The following PPP2R3B variants were observed in gnomAD, a reference collection of about 807,000 sequenced individuals.
PPP2R3B encodes the protein protein phosphatase 2 regulatory subunit B''beta.
In PPP2R3B, 68 loss-of-function variants were observed where a neutral mutation model predicts 72.9. That is an observed-to-expected ratio of 0.93 (90% CI 0.77 to 1.14). PPP2R3B has a LOEUF of 1.14. Ranked by LOEUF, PPP2R3B falls within the 50% of genes most tolerant of loss-of-function variation. The pLI, the probability that PPP2R3B is intolerant of heterozygous loss-of-function variation, is 0.00. For synonymous variants in PPP2R3B, 466 were observed against 375.8 expected (o/e 1.24, Z -2.78); for missense variants, 1,018 against 842.0 (o/e 1.21, Z -2.59).
intron 2 of PPP2R3B, among the ~76,000 whole-genome samples, chrX:353,201 C>A (rs1053393307): frequency 1.3e-5 from 2 of 152,048 alleles, no homozygotes; most frequent in African/African-American, 4.8e-5. Flanking sequence ...TGGTGAAACC[C>A]CATCTCTCCT....
At chrX:359,352 C>T (rs1241714101) in intron 2 of PPP2R3B, among the ~76,000 whole-genome samples, 3 of 152,192 alleles carry the variant, frequency 2.0e-5, no homozygotes, top group Non-Finnish European at 4.4e-5. Flanking sequence ...GTGAGTCTGC[C>T]AGGGCACGGA....
rs147903044 is a variant in PPP2R3B at position 355,583 on chromosome X, C to T, written c.510+5822G>A. On this transcript the variant is annotated intron_variant, in intron 2 of 12. Transcript: ENST00000390665. ...CCGGAAGTGGAACTGCACGCGCACA[C>T]GGAACACCACGCGATCCGGCCCTCC... Among the ~76,000 whole-genome samples the T allele has an allele frequency of 5.6e-4, 86 of 152,278 alleles. 1 individual carries two copies. The East Asian group carries it at 0.013, about 22-fold the overall frequency.
chrX:335,020 G>A (rs778452802), intron 12 of PPP2R3B: 135 of 153,308 alleles, frequency 8.8e-4, no homozygotes, highest in Middle Eastern at 3.4e-3. Flanking sequence ...GCGCTGCTCC[G>A]GGGAACCCAG....
rs762434057 is a variant in PPP2R3B, at chrX:334,097, C to T, written c.*270G>A. ...TTTCCACAGACGCAGGCCCCGGAAC[C>T]CAGGCTGGGTCGGGAACGGCAAGCG... On this transcript the variant is annotated 3_prime_UTR_variant, in exon 13 of 13. Transcript: ENST00000390665. 5.0e-5 allele frequency: 18 copies of T among 360,486 alleles called. 1 individual carries two copies. The highest frequency in any genetic ancestry group is 3.0e-4 in the African/African-American group (14 of 46,958). 22.3% of individuals were successfully genotyped at this position (360,486 alleles called of 1,614,324 possible).
chrX:357,039 T>C (rs1159999465), intron 2 of PPP2R3B, among the ~76,000 whole-genome samples: 1 of 152,186 alleles, frequency 6.6e-6, no homozygotes, highest in African/African-American at 2.4e-5. Flanking sequence ...TACTTGTCCA[T>C]TCAAAATAAA....
chrX:348,692 G>C (rs1426587276), intron 2 of PPP2R3B, among the ~76,000 whole-genome samples: 1 of 152,038 alleles, frequency 6.6e-6, no homozygotes, highest in Non-Finnish European at 1.5e-5. Context: ...TGCTGAAACA[G>C]ACTCCCCGAT....
At chrX:348,012 C>T (rs147588563) in intron 2 of PPP2R3B, among the ~76,000 whole-genome samples, 360 of 152,256 alleles carry the variant, frequency 2.4e-3, no homozygotes, top group African/African-American at 7.9e-3. Context: ...CCAGTAAGTA[C>T]GGGAATAAAT....
At chrX:363,489 C>G (rs1346779098) in intron 1 of PPP2R3B, among the ~76,000 whole-genome samples, 311 of 2,074 alleles carry the variant, frequency 0.15, 2 homozygotes, top group African/African-American at 0.19. Flanking sequence ...CCGAGCCCAG[C>G]ATCCCACAAT....
chrX:345,091 C>CCG (rs1206761862), intron 7 of PPP2R3B: 1 of 459,632 alleles, frequency 2.2e-6, no homozygotes, highest in Non-Finnish European at 4.3e-6. Flanking sequence ...ATATGAACGA[C>CCG]CGCTAAGCCT....
intron 2 of PPP2R3B, among the ~76,000 whole-genome samples, chrX:360,878 T>C (rs1158123115): frequency 1.3e-5 from 2 of 152,122 alleles, no homozygotes; most frequent in Admixed American, 1.3e-4. Context: ...CTGGAGAGCA[T>C]GCAGCTGAGA....
In PPP2R3B at chrX:340,798, G is replaced by A; in HGVS notation, c.1318C>T (p.Gln440Ter). ...CTCGGCTTGACCAGGTCCAGCATCT[G>A]GCAGAGGCAGTCCTGGAAGGGCAGG... ...EALPFQDCLCQMLDLVKPRTE... is the reference protein window; with the variant it reads ...EALPFQDCLC The change falls in exon 10 of 13, where the codon CAG becomes TAG. Residue 440 changes from glutamine to a stop codon, truncating the protein, a stop_gained. Coordinates refer to ENST00000390665, the MANE Select transcript of PPP2R3B (RefSeq NM_013239.5). LOFTEE classifies it high-confidence loss of function. The A allele has an allele frequency of 6.2e-7, 1 of 1,602,608 alleles. No individual in the cohort carries two copies. The highest frequency in any genetic ancestry group is 8.5e-7 in the Non-Finnish European group (1 of 1,177,038).
intron 1 of PPP2R3B, among the ~76,000 whole-genome samples, chrX:383,612 C>T (rs1174413580): frequency 2.6e-5 from 4 of 151,752 alleles, no homozygotes; most frequent in African/African-American, 9.7e-5. Flanking sequence ...CCGAGGCGGG[C>T]GGATCACGAG....
intron 1 of PPP2R3B, among the ~76,000 whole-genome samples, chrX:361,920 G>A (rs1022340617): frequency 2.0e-5 from 3 of 152,150 alleles, no homozygotes; most frequent in African/African-American, 4.8e-5. Flanking sequence ...ACCCACTCCC[G>A]ATTCCCATGA....
intron 12 of PPP2R3B, chrX:335,458 G>A (rs2070862925): frequency 6.6e-6 from 1 of 152,288 alleles, no homozygotes; most frequent in African/African-American, 2.4e-5. Flanking sequence ...GACGGCCCAG[G>A]GTGGGCCGCA....
At chrX:343,800 G>T in intron 7 of PPP2R3B, among the ~76,000 whole-genome samples, 1 of 11,014 alleles carries the variant, frequency 9.1e-5, no homozygotes. Flanking sequence ...ACCTCACCAA[G>T]GAGACGCGGG....
chrX:334,031 C>T lies in PPP2R3B; in HGVS notation c.*336G>A, dbSNP rs1006298192. 1.6e-5 allele frequency: 4 copies of T among 247,452 alleles called. No homozygotes were observed. The highest frequency in any genetic ancestry group is 5.6e-5 in the Admixed American group (1 of 17,850). 15.3% of individuals were successfully genotyped at this position (247,452 alleles called of 1,614,324 possible). Reference sequence around the variant, plus strand: ...TGGAGGCTCCTGTCCAGGACTGAGGCGCCCGGGAGCCGCCGGTCACCGTTG... The same window carrying T: ...TGGAGGCTCCTGTCCAGGACTGAGGTGCCCGGGAGCCGCCGGTCACCGTTG... On this transcript the variant is annotated 3_prime_UTR_variant, in exon 13 of 13. Coordinates refer to ENST00000390665, the MANE Select transcript of PPP2R3B (RefSeq NM_013239.5).
At chrX:354,359 G>A (rs1265813097) in intron 2 of PPP2R3B, among the ~76,000 whole-genome samples, 1 of 151,776 alleles carries the variant, frequency 6.6e-6, no homozygotes, top group African/African-American at 2.4e-5. Context: ...ACCCCTGCGT[G>A]GCCGGGCAAT....
chrX:339,021 CACGTGTTTG>C, intron 10 of PPP2R3B, 125 bp from the exon 11 acceptor site: 1 of 812,012 alleles, frequency 1.2e-6, no homozygotes, highest in South Asian at 1.5e-5. Context: ...GCTCTCACGC[CACGTGTTTG>C]ACGTGAAAGG....
In PPP2R3B at chrX:364,396, G is replaced by A. The variant is rs756633194; in HGVS notation, c.325-2806C>T. Among the ~76,000 whole-genome samples the A allele has an allele frequency of 1.1e-4, 16 of 151,618 alleles. 1 individual carries two copies. In the South Asian group the frequency reaches 3.1e-3, roughly 30 times the overall value. On this transcript the variant is annotated intron_variant, in intron 1 of 12. Coordinates refer to ENST00000390665, the MANE Select transcript of PPP2R3B (RefSeq NM_013239.5). ...TGCTGCGAAAACCCTCAAACCGGCC[G>A]GGCTCGTGCCTGCAATCCTGGCGCT... is the stretch of plus-strand genomic sequence containing the variant.
Sources: allele counts gnomAD v4.1 joint callset (sites outside exome capture counted in the v4.1 genomes callset), GRCh38; gene constraint gnomAD v4.1.1; transcripts MANE v1.5; gene names NCBI Gene and HGNC (gene_info 2026-07-23, HGNC 2026-07-21).